RYR2: variants seen among roughly 807,000 people sequenced by gnomAD.
RYR2 encodes ryanodine receptor 2, also known as cardiac muscle ryanodine receptor-calcium release channel.
RYR2 carries 227 observed loss-of-function variants against 601.1 expected under a neutral mutation model. The observed-to-expected ratio is 0.38, with a 90% CI of 0.34 to 0.42. The LOEUF is 0.42. RYR2 is among the 10% of genes least tolerant of loss of function. RYR2 has a pLI of 1.00. For missense variants in RYR2, 4,646 were observed against 6,156.5 expected (o/e 0.75, Z 8.21); for synonymous variants, 2,223 against 2,175.1 (o/e 1.02, Z -0.61).
At position 237,638,345 on chromosome 1, in the gene RYR2, T is replaced by C. The variant is rs180775271; in HGVS notation, c.6793-12T>C. 8 of 1,613,818 alleles carry C rather than the reference T, an allele frequency of 5.0e-6. 1 individual carries two copies. The East Asian group carries it at 1.6e-4, about 31-fold the overall frequency. On this transcript the variant is annotated splice_polypyrimidine_tract_variant and intron_variant, in intron 44 of 104. Transcript: ENST00000366574. ...CCAAGGGATAACTCTTTGTTAATCA[T>C]GTTGTTTGCAGGTAGTTCGTTATTT...
rs1479631176 is a variant in RYR2 at position 237,591,959 on chromosome 1, AATGTC to A, written c.4275+107_4275+111del. On this transcript the variant is annotated intron_variant, in intron 32 of 104. Transcript: ENST00000366574. ...TCATACTTAGTAACATTATTTTTAAAATGTCTGTTTCTGTTTTTGGATATATTTTG... is the reference window on the plus strand; with the variant it reads ...TCATACTTAGTAACATTATTTTTAAATGTTTCTGTTTTTGGATATATTTTG... 4.7e-6 allele frequency: 4 copies of A among 844,464 alleles called. No individual in the cohort carries two copies. In the African/African-American group the frequency reaches 6.9e-5, roughly 14 times the overall value. The allele number at this position is 844,464 out of a possible 1,614,324, so 52.3% of individuals were successfully genotyped here.
At chr1:237,622,504 A>G (rs1679179852) in intron 38 of RYR2, among the ~76,000 whole-genome samples, 1 of 152,168 alleles carries the variant, frequency 6.6e-6, no homozygotes, top group Non-Finnish European at 1.5e-5. Flanking sequence ...AACATAGATG[A>G]ATTTCATTTT....
intron 88 of RYR2, among the ~76,000 whole-genome samples, chr1:237,780,132 TA>T (rs889974139): frequency 8.3e-5 from 11 of 132,448 alleles, no homozygotes; most frequent in African/African-American, 4.3e-4. Context: ...AAACTATATT[TA>T]TTAGTGTTTG....
chr1:237,409,392 CT>C (rs1247719116), intron 10 of RYR2, among the ~76,000 whole-genome samples: 1 of 151,986 alleles, frequency 6.6e-6, no homozygotes, highest in Non-Finnish European at 1.5e-5. Flanking sequence ...TTGTCAAATA[CT>C]TTTTCTTCAT....
At chr1:237,424,301 A>G (rs1705895359) in intron 12 of RYR2, among the ~76,000 whole-genome samples, 2 of 152,222 alleles carry the variant, frequency 1.3e-5, no homozygotes, top group Admixed American at 1.3e-4. Context: ...TTTTAAATAG[A>G]TAAAGATTTG....
intron 37 of RYR2, among the ~76,000 whole-genome samples, chr1:237,615,150 C>A (rs1279411557): frequency 6.6e-6 from 1 of 152,044 alleles, no homozygotes; most frequent in Non-Finnish European, 1.5e-5. Context: ...GTAGATGCAC[C>A]CATTGTCACA....
rs3086046 is a variant in RYR2 at position 237,299,127 on chromosome 1, C to CTTTTTTT, written c.168+28516_168+28522dup. On this transcript the variant is annotated intron_variant, in intron 2 of 104. Transcript: ENST00000366574. ...TTATGAACAGTGCAATTCCTAGAGT[C>CTTTTTTT]TTTTTTTTTTTCATTTCATTTCATA... Among the ~76,000 whole-genome samples, 279 of 145,444 alleles carry CTTTTTTT rather than the reference C, an allele frequency of 1.9e-3. 7 individuals are homozygous for CTTTTTTT. The highest frequency in any genetic ancestry group is 0.015 in the East Asian group (75 of 5,010).
At chr1:237,103,861 G>A (rs546498705) in intron 1 of RYR2, among the ~76,000 whole-genome samples, 1 of 152,202 alleles carries the variant, frequency 6.6e-6, no homozygotes, top group East Asian at 1.9e-4. Flanking sequence ...GAGCCACCGC[G>A]GCCAGCCCCT....
chr1:237,776,703 G>C (rs576892108), intron 87 of RYR2, among the ~76,000 whole-genome samples: 1 of 151,950 alleles, frequency 6.6e-6, no homozygotes, highest in South Asian at 2.1e-4. Flanking sequence ...CCTCTGGGTT[G>C]TTGCTGTGGG....
chr1:237,503,294 G>T lies in RYR2; in HGVS notation c.2402G>T (p.Arg801Leu), dbSNP rs371157868. 9.1e-5 allele frequency: 146 copies of T among 1,604,540 alleles called. 1 individual carries two copies. Among genetic ancestry groups the T allele is most frequent in the Non-Finnish European group, 1.2e-4 (141 of 1,175,194 alleles). Residue 801 changes from arginine to leucine, a missense_variant, in exon 22 of 105, where the codon CGC becomes CTC. By Grantham distance (102) the Arg-to-Leu change is moderately radical. Transcript: ENST00000366574. ...CTAACGTGCATCCTCTTTAGAGTAC[G>T]CTTTCTGCTTGGAGGGCGACATGGA... is the stretch of plus-strand genomic sequence containing the variant. ...VVSFSAGIKV[R>L]FLLGGRHGEF...
At chr1:237,704,723 GTGAT>G (rs1372673543) in intron 66 of RYR2, among the ~76,000 whole-genome samples, 1 of 151,654 alleles carries the variant, frequency 6.6e-6, no homozygotes, top group Non-Finnish European at 1.5e-5. Flanking sequence ...CGGTTATAAA[GTGAT>G]TGGGGAAACA....
At chr1:237,265,925 T>C (rs527721640) in intron 1 of RYR2, among the ~76,000 whole-genome samples, 1 of 152,346 alleles carries the variant, frequency 6.6e-6, no homozygotes, top group South Asian at 2.1e-4. Context: ...ATTTATCTGA[T>C]TGCTCTTGAG....
intron 15 of RYR2, 29 bp downstream of exon 15, chr1:237,454,603 T>G: frequency 6.2e-7 from 1 of 1,601,980 alleles, no homozygotes; most frequent in South Asian, 1.1e-5. Flanking sequence ...TCATTTCTCT[T>G]CTGTTATTCT....
At chr1:237,547,433 AAATT>A (rs1353665580) in intron 25 of RYR2, among the ~76,000 whole-genome samples, 2 of 152,244 alleles carry the variant, frequency 1.3e-5, no homozygotes, top group Admixed American at 6.5e-5. Flanking sequence ...TTGGTAAATG[AAATT>A]AATTATTTCA....
intron 17 of RYR2, among the ~76,000 whole-genome samples, chr1:237,478,793 C>T (rs1434352316): frequency 3.8e-5 from 2 of 52,812 alleles, no homozygotes; most frequent in Admixed American, 3.8e-4. Flanking sequence ...TTAAGGGACC[C>T]CCCTACCCTC....
chr1:237,108,456 AC>A (rs1669012325), intron 1 of RYR2, among the ~76,000 whole-genome samples: 1 of 152,244 alleles, frequency 6.6e-6, no homozygotes, highest in African/African-American at 2.4e-5. Context: ...AGGCTGATGT[AC>A]CGCAGAGGCC....
chr1:237,151,170 T>C (rs1252083457), intron 1 of RYR2, among the ~76,000 whole-genome samples: 4 of 152,190 alleles, frequency 2.6e-5, no homozygotes, highest in Admixed American at 6.5e-5. Flanking sequence ...TGAGCTTTCA[T>C]TTTAAGCTTG....
chr1:237,625,172 A>T (rs2148655554), intron 39 of RYR2, among the ~76,000 whole-genome samples: 1 of 152,194 alleles, frequency 6.6e-6, no homozygotes, highest in South Asian at 2.1e-4. Flanking sequence ...ACTGCTTCAG[A>T]TATAAAGCAT....
chr1:237,463,253 G>A (rs887349302), intron 16 of RYR2, among the ~76,000 whole-genome samples: 6 of 152,150 alleles, frequency 3.9e-5, no homozygotes, highest in African/African-American at 1.2e-4. Context: ...AATTCCAAGA[G>A]GGATGTTGTT....
Sources: allele counts gnomAD v4.1 joint callset (sites outside exome capture counted in the v4.1 genomes callset), GRCh38; gene constraint gnomAD v4.1.1; transcripts MANE v1.5; gene names NCBI Gene and HGNC (gene_info 2026-07-23, HGNC 2026-07-21).